MAGED1: variants seen among roughly 807,000 people sequenced by gnomAD.
The protein encoded by MAGED1 is melanoma-associated antigen D1.
In MAGED1, 3 loss-of-function variants were observed where a neutral mutation model predicts 54.1. The observed-to-expected ratio is 0.06, with a 90% confidence interval of 0.03 to 0.14. The LOEUF is 0.14. Ranked by LOEUF, MAGED1 falls within the 10% of genes least tolerant of loss-of-function variation. The pLI is 1.00. For missense variants in MAGED1, 485 were observed against 623.4 expected (o/e 0.78, Z 2.36); for synonymous variants, 217 against 227.3 (o/e 0.95, Z 0.41).
In MAGED1 at chrX:51,897,265, C is replaced by T; in HGVS notation, c.1480C>T (p.Arg494Cys). 5.0e-6 allele frequency: 6 copies of T among 1,209,372 alleles called. No individual in the cohort carries two copies. Among genetic ancestry groups the T allele is most frequent in the Non-Finnish European group, 4.5e-6 (4 of 894,107 alleles). ...GGACTACACAAAGGTGCCCATCAAG[C>T]GCTCAGGTATGCATCCAGTGTCCCC... The part of the protein sequence containing the change: ...LKDYTKVPIK[R>C]SEMLRDIIRE... The change falls in exon 5 of 13, where the codon CGC becomes TGC. Residue 494 changes from arginine (R) to cysteine (C), a missense_variant. By Grantham distance (180) the Arg-to-Cys change is radical. Transcript: ENST00000326587.
At chrX:51,898,707 A>G in intron 10 of MAGED1, 64 bp downstream of exon 10, 1 of 1,037,290 alleles carries the variant, frequency 9.6e-7, no homozygotes, top group Non-Finnish European at 1.3e-6. Flanking sequence ...GGTCAGCTTT[A>G]GAAAGCCCTT....
At chrX:51,871,162 C>A (rs1225716265) in intron 1 of MAGED1, among the ~76,000 whole-genome samples, 3 of 112,033 alleles carry the variant, frequency 2.7e-5, no homozygotes, top group African/African-American at 9.7e-5. Flanking sequence ...TCCATTTCTC[C>A]TCAAGAAGAG....
At chrX:51,832,954 A>T (rs1432542776) in intron 1 of MAGED1, among the ~76,000 whole-genome samples, 1 of 111,764 alleles carries the variant, frequency 8.9e-6, no homozygotes, top group African/African-American at 3.3e-5. Flanking sequence ...CTACAATAGT[A>T]TTGGAAAATT....
At chrX:51,872,395 C>A (rs1458238042) in intron 1 of MAGED1, among the ~76,000 whole-genome samples, 2 of 112,054 alleles carry the variant, frequency 1.8e-5, no homozygotes, top group African/African-American at 6.5e-5. Flanking sequence ...AAAACATTAT[C>A]TATGCCAGGC....
In MAGED1 at chrX:51,895,771, T is replaced by C. The variant is rs375253333; in HGVS notation, c.753+11T>C. On this transcript the variant is annotated intron_variant, in intron 3 of 12. Transcript: ENST00000326587. ...AAGAGGACCCGCAAGGTGAGATCTC[T>C]GCTAACTTCATTTTGCTTTGGGGCT... 47 of 1,132,198 alleles carry C rather than the reference T, an allele frequency of 4.2e-5. No homozygotes were observed. In the African/African-American group the frequency reaches 8.4e-4, roughly 20 times the overall value. 93.3% of individuals were successfully genotyped at this position (1,132,198 alleles called of 1,213,427 possible).
upstream of MAGED1, among the ~76,000 whole-genome samples, chrX:51,891,537 G>A (rs782479800): frequency 5.3e-5 from 6 of 112,854 alleles, no homozygotes; most frequent in South Asian, 1.1e-3. Flanking sequence ...TGGAGAGTGC[G>A]ATTCATTCAT....
intron 1 of MAGED1, among the ~76,000 whole-genome samples, chrX:51,885,385 A>G (rs1417072853): frequency 1.8e-5 from 2 of 111,854 alleles, no homozygotes; most frequent in Non-Finnish European, 1.9e-5. Context: ...AGAATTATCT[A>G]TTCAGGTCAT....
Position 51,894,336 on chromosome X carries a change from T to G in MAGED1, c.32T>G (p.Leu11Arg). The G allele has an allele frequency of 8.3e-7, 1 of 1,202,573 alleles. No homozygotes were observed. The highest frequency in any genetic ancestry group is 1.1e-6 in the Non-Finnish European group (1 of 891,002). Residue 11 changes from leucine (L) to arginine (R), a missense_variant, in exon 2 of 13, where the codon CTC (leucine) becomes CGC (arginine). Coordinates refer to ENST00000326587, the MANE Select transcript of MAGED1 (RefSeq NM_006986.4). The stretch of plus-strand genomic sequence containing the variant: ...CAGAAAATGGACTGTGGTGCGGGCC[T>G]CCTCGGCTTCCAGGTGAGATCTCCA... Reference protein sequence around the residue: MAQKMDCGAGLLGFQAEASVE... With the variant: MAQKMDCGAGRLGFQAEASVE...
At chrX:51,825,525 A>G (rs1557356912) in intron 1 of MAGED1, among the ~76,000 whole-genome samples, 3 of 112,194 alleles carry the variant, frequency 2.7e-5, no homozygotes, top group Non-Finnish European at 3.8e-5. Flanking sequence ...TAACCACTAA[A>G]GTATCTACTC....
chrX:51,851,444 CTG>C (rs1557359755), intron 1 of MAGED1, among the ~76,000 whole-genome samples: 3 of 111,366 alleles, frequency 2.7e-5, no homozygotes. Flanking sequence ...ATGCCTGAAA[CTG>C]TTGACAGTAC....
At chrX:51,848,976 C>T (rs1191048470) in intron 1 of MAGED1, among the ~76,000 whole-genome samples, 2 of 95,305 alleles carry the variant, frequency 2.1e-5, no homozygotes, top group African/African-American at 7.7e-5. Flanking sequence ...AGGAATTCTT[C>T]CTTACCTTGA....
chrX:51,854,954 A>G (rs1167663892), intron 1 of MAGED1, among the ~76,000 whole-genome samples: 1 of 111,407 alleles, frequency 9.0e-6, no homozygotes, highest in Non-Finnish European at 1.9e-5. Context: ...CTTTGTTCAG[A>G]TAATCTTCCC....
At chrX:51,856,364 A>G (rs1280647889) in intron 1 of MAGED1, among the ~76,000 whole-genome samples, 1 of 112,075 alleles carries the variant, frequency 8.9e-6, no homozygotes, top group Non-Finnish European at 1.9e-5. Context: ...AATTGTACTA[A>G]TTTACATTCA....
At chrX:51,863,439 CA>C (rs1369552751) in intron 1 of MAGED1, among the ~76,000 whole-genome samples, 2 of 111,806 alleles carry the variant, frequency 1.8e-5, no homozygotes, top group East Asian at 2.8e-4. Context: ...CAGCAATGAA[CA>C]GGGGAGTTCA....
At chrX:51,886,865 A>G (rs1157950392) in intron 1 of MAGED1, among the ~76,000 whole-genome samples, 15 of 110,508 alleles carry the variant, frequency 1.4e-4, no homozygotes, top group African/African-American at 4.6e-4. Flanking sequence ...AAACCAGCCT[A>G]GGCAACATAG....
chrX:51,854,117 A>G (rs1230343446), intron 1 of MAGED1, among the ~76,000 whole-genome samples: 2 of 111,669 alleles, frequency 1.8e-5, no homozygotes, highest in African/African-American at 6.5e-5. Flanking sequence ...AAGACCATCT[A>G]TCTCCCTGTC....
chrX:51,853,435 C>T (rs1926964246), intron 1 of MAGED1, among the ~76,000 whole-genome samples: 1 of 112,481 alleles, frequency 8.9e-6, no homozygotes, highest in South Asian at 3.7e-4. Context: ...AACTGGCCTG[C>T]TTCCATTCAC....
intron 1 of MAGED1, among the ~76,000 whole-genome samples, chrX:51,829,371 A>T (rs1431091959): frequency 1.8e-5 from 2 of 110,103 alleles, no homozygotes; most frequent in African/African-American, 6.6e-5. Flanking sequence ...TAAATGAAAG[A>T]GGTGTCAACA....
chrX:51,869,596 C>T (rs1927583185), intron 1 of MAGED1, among the ~76,000 whole-genome samples: 1 of 110,285 alleles, frequency 9.1e-6, no homozygotes, highest in East Asian at 2.9e-4. Context: ...CCGCCGGGTG[C>T]GGTGGCTTAT....
Sources: allele counts gnomAD v4.1 joint callset (sites outside exome capture counted in the v4.1 genomes callset), GRCh38; gene constraint gnomAD v4.1.1; transcripts MANE v1.5; gene names NCBI Gene and HGNC (gene_info 2026-07-23, HGNC 2026-07-21).